The following APBB2 variants were observed in gnomAD, a reference collection of about 807,000 sequenced individuals.
The protein encoded by APBB2 is amyloid beta precursor protein binding family B member 2.
APBB2 carries 38 observed loss-of-function variants against 82.5 expected under a neutral mutation model. The observed-to-expected ratio is 0.46, with a 90% CI of 0.36 to 0.60. APBB2 has a LOEUF of 0.60. Ranked by LOEUF, APBB2 falls within the 20% of genes least tolerant of loss-of-function variation. The probability of loss-of-function intolerance (pLI) is 0.00; values close to 1 mark genes in which losing one functional copy is unlikely to be tolerated. For synonymous variants in APBB2, 341 were observed against 368.2 expected, an observed-to-expected ratio of 0.93 and a Z score of 0.85; for missense variants, 772 against 972.3, an observed-to-expected ratio of 0.79 and a Z score of 2.74.
intron 6 of APBB2, among the ~76,000 whole-genome samples, chr4:40,994,811 G>A (rs1259966989): frequency 1.2e-4 from 14 of 112,972 alleles, no homozygotes; most frequent in Non-Finnish European, 1.2e-4. Context: ...CAAGACTCCG[G>A]AAAAAAAAAA....
intron 3 of APBB2, among the ~76,000 whole-genome samples, chr4:41,097,419 T>C (rs1412232436): frequency 6.6e-6 from 1 of 152,198 alleles, no homozygotes; most frequent in Non-Finnish European, 1.5e-5. Context: ...ATATTCCACA[T>C]ATTTACACTC....
At chr4:41,139,691 T>C (rs185111810) in intron 2 of APBB2, among the ~76,000 whole-genome samples, 1 of 152,290 alleles carries the variant, frequency 6.6e-6, no homozygotes, top group East Asian at 1.9e-4. Flanking sequence ...TGTATAATTC[T>C]AACTATATGA....
intron 2 of APBB2, among the ~76,000 whole-genome samples, chr4:41,111,384 C>T (rs1309700676): frequency 6.6e-6 from 1 of 152,134 alleles, no homozygotes; most frequent in East Asian, 1.9e-4. Context: ...TGGTGGAGCC[C>T]AAGATTCTGC....
intron 2 of APBB2, among the ~76,000 whole-genome samples, chr4:41,124,078 G>A (rs1753691507): frequency 1.3e-5 from 2 of 152,050 alleles, no homozygotes; most frequent in Admixed American, 1.3e-4. Context: ...TATACAGTGC[G>A]GAATATCCTC....
intron 6 of APBB2, among the ~76,000 whole-genome samples, chr4:40,981,774 C>T (rs6835668): frequency 0.38 from 58,422 of 151,910 alleles, 12,297 homozygotes; most frequent in East Asian, 0.71. Context: ...TTCTCCTATA[C>T]GCAGAACAAG....
chr4:40,942,878 C>T (rs148939565), intron 7 of APBB2, among the ~76,000 whole-genome samples: 1 of 152,328 alleles, frequency 6.6e-6, no homozygotes, highest in African/African-American at 2.4e-5. Context: ...GCCCAAATCA[C>T]GGAAACAAAA....
At chr4:41,159,916 G>A (rs1359248178) in intron 1 of APBB2, among the ~76,000 whole-genome samples, 426 of 20,826 alleles carry the variant, frequency 0.02, 46 homozygotes, top group Non-Finnish European at 0.029. Context: ...GAAGGAGGAG[G>A]AGGAGGAGGA....
chr4:40,935,004 A>C (rs936653949), intron 8 of APBB2, 73 bp downstream of exon 8: 133 of 1,262,040 alleles, frequency 1.1e-4, no homozygotes, highest in Non-Finnish European at 1.1e-4. Flanking sequence ...TTCACAAAGA[A>C]GAAAAATATA....
chr4:40,893,344 C>T lies in APBB2; in HGVS notation c.1322G>A (p.Ser441Asn). The change falls in exon 11 of 18, where the codon AGT (serine) becomes AAT (asparagine). Residue 441 changes from serine (S) to asparagine (N), a missense_variant. Transcript: ENST00000508593. ...AEEDLAPGKS[S>N]VAVNNCIRQL... ...CCTGATGCAGTTGTTGACCGCAACACTACTTTTACCGGGGGCGAGGTCCTC... is the reference window on the plus strand; with the variant it reads ...CCTGATGCAGTTGTTGACCGCAACATTACTTTTACCGGGGGCGAGGTCCTC... 6.2e-7 allele frequency: 1 copy of T among 1,613,692 alleles called. No individual in the cohort carries two copies. The highest frequency in any genetic ancestry group is 8.5e-7 in the Non-Finnish European group (1 of 1,179,854).
chr4:41,145,056 G>A (rs1358953263), intron 1 of APBB2, among the ~76,000 whole-genome samples: 2 of 152,214 alleles, frequency 1.3e-5, no homozygotes, highest in Admixed American at 1.3e-4. Flanking sequence ...GGAAGTCGGG[G>A]CTGCAGTGAG....
intron 6 of APBB2, among the ~76,000 whole-genome samples, chr4:40,988,255 G>C (rs1236964989): frequency 2.6e-5 from 4 of 152,190 alleles, no homozygotes; most frequent in Admixed American, 2.6e-4. Flanking sequence ...ACTTGTGCTG[G>C]AAGTCTTTAT....
intron 12 of APBB2, among the ~76,000 whole-genome samples, chr4:40,841,088 G>A (rs1755660280): frequency 6.6e-6 from 1 of 152,162 alleles, no homozygotes; most frequent in Admixed American, 6.6e-5. Flanking sequence ...AGCCCTGCAG[G>A]TGTCACCGCC....
intron 6 of APBB2, among the ~76,000 whole-genome samples, chr4:40,969,742 T>C (rs1465831143): frequency 6.6e-6 from 1 of 152,226 alleles, no homozygotes; most frequent in Non-Finnish European, 1.5e-5. Flanking sequence ...AAGCTTATGT[T>C]TAAAGGGAGA....
At chr4:40,947,581 T>A (rs942534927) in intron 6 of APBB2, among the ~76,000 whole-genome samples, 3 of 152,272 alleles carry the variant, frequency 2.0e-5, no homozygotes, top group Non-Finnish European at 4.4e-5. Context: ...ACCCTAGTTT[T>A]ACTAAGCTTA....
In APBB2 at chr4:40,812,179, TC is replaced by T. The variant is rs775538319; in HGVS notation, c.*3912del. On this transcript the variant is annotated 3_prime_UTR_variant, in exon 18 of 18. Coordinates refer to ENST00000508593, the MANE Select transcript of APBB2 (RefSeq NM_004307.2). ...GTAGTAACTAATCAAAGCAAAATGC[TC>T]CATTACTAAAGTGATTTCTAAGAAG... 9.2e-5 allele frequency: 14 copies of T among 152,198 alleles called. No homozygotes were observed. The highest frequency in any genetic ancestry group is 2.1e-4 in the Non-Finnish European group (14 of 68,028). The allele number at this position is 152,198 out of a possible 1,614,324, so 9.4% of individuals were successfully genotyped here. A position where few individuals can be genotyped will look rare whatever the true frequency, so the allele number is the denominator to read the frequency against.
rs890186743 is a variant in APBB2 at position 41,142,819 on chromosome 4, A to G, written c.-261+168T>C. ...GGAAAGGAAGACATCATTACACTAT[A>G]CACAAAAGGCTATCAGCATGTATCT... On this transcript the variant is annotated intron_variant, in intron 2 of 17. Transcript: ENST00000508593. Among the ~76,000 whole-genome samples, 9 of 152,296 alleles carry G rather than the reference A, an allele frequency of 5.9e-5. No homozygotes were observed. The East Asian group carries it at 1.7e-3, about 29-fold the overall frequency.
chr4:40,828,552 C>A (rs1022830394), intron 13 of APBB2, among the ~76,000 whole-genome samples: 1 of 152,166 alleles, frequency 6.6e-6, no homozygotes, highest in Non-Finnish European at 1.5e-5. Context: ...GGGCTTTATG[C>A]CAGAATATAA....
At chr4:41,018,075 G>C (rs1049650485) in intron 5 of APBB2, among the ~76,000 whole-genome samples, 1 of 152,138 alleles carries the variant, frequency 6.6e-6, no homozygotes, top group Non-Finnish European at 1.5e-5. Context: ...TTTTGCTGGG[G>C]ACTAAAACAT....
chr4:41,089,430 T>A (rs910036995), intron 3 of APBB2, among the ~76,000 whole-genome samples: 39 of 152,308 alleles, frequency 2.6e-4, no homozygotes, highest in African/African-American at 9.1e-4. Flanking sequence ...GGACTTCGGT[T>A]TTTTTAGGGA....
Sources: gnomAD v4.1 joint callset for allele counts (sites outside exome capture counted in the v4.1 genomes callset) on GRCh38, gnomAD v4.1.1 for gene constraint, MANE v1.5 for transcripts, NCBI Gene and HGNC (gene_info 2026-07-23, HGNC 2026-07-21) for gene names.